The following SRGAP2B variants were observed in gnomAD, a reference collection of about 807,000 sequenced individuals.
SRGAP2B encodes the protein SLIT-ROBO Rho GTPase activating protein 2B.
In SRGAP2B, 9 loss-of-function variants were observed where a neutral mutation model predicts 22.2. That is an observed-to-expected ratio of 0.41 (90% CI 0.24 to 0.71). The LOEUF (loss-of-function observed/expected upper bound fraction) is 0.71. Ranked by LOEUF, SRGAP2B falls within the 30% of genes least tolerant of loss-of-function variation. The pLI is 0.35. For missense variants in SRGAP2B, 114 were observed against 235.8 expected, an observed-to-expected ratio of 0.48 and a Z score of 3.38; for synonymous variants, 36 against 87.4, an observed-to-expected ratio of 0.41 and a Z score of 3.28.
chr1:144,969,182 C>A (rs1668314214), intron 3 of SRGAP2B, among the ~76,000 whole-genome samples: 1 of 125,188 alleles, frequency 8.0e-6, no homozygotes. Context: ...GCCCGCATCG[C>A]CAAGTCAATC....
At chr1:145,069,936 CT>C (rs1457213264) in intron 2 of SRGAP2B, among the ~76,000 whole-genome samples, 1 of 149,244 alleles carries the variant, frequency 6.7e-6, no homozygotes, top group Non-Finnish European at 1.5e-5. Context: ...GAACCCCAGG[CT>C]TACAGGTTCT....
At chr1:145,072,700 C>T in intron 2 of SRGAP2B, among the ~76,000 whole-genome samples, 1 of 146,740 alleles carries the variant, frequency 6.8e-6, no homozygotes, top group Admixed American at 6.8e-5. Flanking sequence ...TTAGCCTGAT[C>T]CCCTCTTTCA....
chr1:144,940,688 G>A (rs1328862026), intron 4 of SRGAP2B, among the ~76,000 whole-genome samples: 11 of 147,570 alleles, frequency 7.5e-5, no homozygotes, highest in South Asian at 2.1e-4. Context: ...CTGTAATCCC[G>A]GCTACTCGGG....
chr1:145,035,910 A>C (rs1284772124), intron 2 of SRGAP2B, among the ~76,000 whole-genome samples: 3 of 147,834 alleles, frequency 2.0e-5, no homozygotes, highest in Non-Finnish European at 3.0e-5. Flanking sequence ...GAAAATATCC[A>C]ACAATTTGAC....
intron 4 of SRGAP2B, among the ~76,000 whole-genome samples, chr1:144,916,146 A>G (rs1277155019): frequency 6.7e-6 from 1 of 150,274 alleles, no homozygotes; most frequent in Non-Finnish European, 1.5e-5. Context: ...CTCAAAAAAG[A>G]AAACAAAAGT....
intron 2 of SRGAP2B, among the ~76,000 whole-genome samples, chr1:145,009,393 C>A (rs1483024718): frequency 1.3e-5 from 2 of 148,712 alleles, no homozygotes; most frequent in Non-Finnish European, 3.0e-5. Context: ...TCGAGACCAT[C>A]CCGGCTAAAA....
intron 4 of SRGAP2B, among the ~76,000 whole-genome samples, chr1:144,928,401 T>C (rs1664902995): frequency 7.1e-6 from 1 of 139,950 alleles, no homozygotes; most frequent in Non-Finnish European, 1.5e-5. Context: ...CTTCCACTTT[T>C]TGGTTATTTA....
chr1:145,017,168 G>A (rs1360578830), intron 2 of SRGAP2B, among the ~76,000 whole-genome samples: 2 of 143,418 alleles, frequency 1.4e-5, no homozygotes, highest in African/African-American at 5.4e-5. Flanking sequence ...GACCTCAAGC[G>A]ATCTGCCCAA....
chr1:145,001,461 G>GAA (rs1460741342), intron 2 of SRGAP2B, among the ~76,000 whole-genome samples: 1 of 150,038 alleles, frequency 6.7e-6, no homozygotes, highest in Non-Finnish European at 1.5e-5. Flanking sequence ...GGAGAAGAAA[G>GAA]AAGAAAAAAA....
intron 3 of SRGAP2B, among the ~76,000 whole-genome samples, chr1:144,973,849 C>A (rs1379333206): frequency 7.8e-6 from 1 of 128,020 alleles, no homozygotes; most frequent in Non-Finnish European, 1.6e-5. Flanking sequence ...CAGGGAGTGT[C>A]TACTCACTCC....
exon 10 of SRGAP2B, chr1:144,889,139 G>C (rs1257340415): frequency 1.4e-5 from 2 of 146,710 alleles, no homozygotes; most frequent in Non-Finnish European, 3.0e-5. Context: ...GTTTTTAGTA[G>C]AGACAGGGTT....
chr1:144,979,120 GA>G (rs1210302370), intron 3 of SRGAP2B, among the ~76,000 whole-genome samples: 1 of 151,674 alleles, frequency 6.6e-6, no homozygotes, highest in Non-Finnish European at 1.5e-5. Context: ...TCGACTCACT[GA>G]AAGCTCCGCC....
intron 2 of SRGAP2B, among the ~76,000 whole-genome samples, chr1:145,051,462 G>T (rs1173068096): frequency 1.3e-5 from 2 of 149,962 alleles, no homozygotes; most frequent in Non-Finnish European, 2.9e-5. Context: ...TCTCTCCCTG[G>T]CATCATTTGG....
intron 4 of SRGAP2B, among the ~76,000 whole-genome samples, chr1:144,923,048 C>T (rs1664367879): frequency 6.6e-6 from 1 of 150,970 alleles, no homozygotes; most frequent in Non-Finnish European, 1.5e-5. Context: ...CAGGGACAGG[C>T]ATACTCGGGA....
intron 3 of SRGAP2B, among the ~76,000 whole-genome samples, chr1:144,992,958 A>ATT: frequency 6.6e-6 from 1 of 151,924 alleles, no homozygotes; most frequent in South Asian, 2.1e-4. Context: ...AACAAATAAA[A>ATT]TGCTGTAAGA....
At chr1:144,975,891 T>G (rs1668862987) in intron 3 of SRGAP2B, among the ~76,000 whole-genome samples, 1 of 72,982 alleles carries the variant, frequency 1.4e-5, no homozygotes, top group Non-Finnish European at 2.7e-5. Context: ...TTTTTTTTTT[T>G]GATATGGAGT....
intron 2 of SRGAP2B, among the ~76,000 whole-genome samples, chr1:145,032,258 TCTC>T (rs1294292483): frequency 7.9e-6 from 1 of 126,416 alleles, no homozygotes; most frequent in Non-Finnish European, 1.6e-5. Flanking sequence ...TGTCCAGGCA[TCTC>T]ATCATATTTT....
chr1:144,925,736 A>AAAGAAAGAAAGAAAG (rs1664648033), intron 4 of SRGAP2B, among the ~76,000 whole-genome samples: 1 of 80,386 alleles, frequency 1.2e-5, no homozygotes, highest in Non-Finnish European at 2.7e-5. Context: ...GAAAAGAAAG[A>AAAGAAAGAAAGAAAG]AAGAAAGAAA....
intron 2 of SRGAP2B, among the ~76,000 whole-genome samples, chr1:145,007,718 A>G (rs1553621347): frequency 6.6e-6 from 1 of 150,390 alleles, no homozygotes; most frequent in East Asian, 1.9e-4. Context: ...TCTACCTCAC[A>G]GAGTTTTTAT....
Sources: gnomAD v4.1 joint callset for allele counts (sites outside exome capture counted in the v4.1 genomes callset) on GRCh38, gnomAD v4.1.1 for gene constraint, MANE v1.5 for transcripts, NCBI Gene and HGNC (gene_info 2026-07-23, HGNC 2026-07-21) for gene names.